The following EMSY variants were observed in gnomAD, a reference collection of about 807,000 sequenced individuals.
EMSY encodes the protein BRCA2-interacting transcriptional repressor EMSY.
A neutral mutation model predicts 134.6 loss-of-function variants in EMSY; 26 were observed. The observed-to-expected ratio is 0.19, with a 90% CI of 0.14 to 0.27. The LOEUF (loss-of-function observed/expected upper bound fraction) is 0.27, where lower values mean the gene tolerates loss of function less well. Ranked by LOEUF, EMSY falls within the 10% of genes least tolerant of loss-of-function variation. The pLI, the probability that EMSY is intolerant of heterozygous loss-of-function variation, is 1.00. For missense variants in EMSY, 1,305 were observed against 1,611.4 expected, an observed-to-expected ratio of 0.81 and a Z score of 3.26; for synonymous variants, 579 against 577.8, an observed-to-expected ratio of 1.00 and a Z score of -0.03.
At chr11:76,522,081 A>T (rs1252855115) in intron 11 of EMSY, among the ~76,000 whole-genome samples, 1 of 152,140 alleles carries the variant, frequency 6.6e-6, no homozygotes. Flanking sequence ...GACAAGGAAC[A>T]AATCAAAGAT....
rs1590827142 is a variant in EMSY at position 76,472,597 on chromosome 11, T to C, written c.865T>C (p.Phe289Leu). 1.9e-6 allele frequency: 3 copies of C among 1,614,032 alleles called. No individual in the cohort carries two copies. The East Asian group carries it at 6.7e-5, about 36-fold the overall frequency. ...AGTCACCACATCACCAAGCTCAACC[T>C]TCGTGCCCAACATTCTCTCCAAATC... Residue 289 changes from phenylalanine (F) to leucine (L), a missense_variant, in exon 8 of 21, where the codon TTC (phenylalanine) becomes CTC (leucine). Physicochemically the swap from Phe to Leu is conservative, Grantham distance 22. Transcript: ENST00000334736.
At chr11:76,481,388 G>A (rs747565211) in intron 8 of EMSY, among the ~76,000 whole-genome samples, 3 of 152,104 alleles carry the variant, frequency 2.0e-5, no homozygotes, top group African/African-American at 4.8e-5. Context: ...GAACACCAGC[G>A]AGACAGAACC....
chr11:76,542,753 G>GTTTTTTGTTTT (rs749234059), intron 18 of EMSY, among the ~76,000 whole-genome samples: 5 of 109,260 alleles, frequency 4.6e-5, no homozygotes, highest in Admixed American at 8.8e-5. Flanking sequence ...TTCGTTTTTT[G>GTTTTTTGTTTT]TTTTTTTTTT....
chr11:76,487,725 T>C (rs1350957744), intron 8 of EMSY, among the ~76,000 whole-genome samples: 2 of 152,260 alleles, frequency 1.3e-5, no homozygotes, highest in African/African-American at 4.8e-5. Context: ...TCAGGCTGTG[T>C]ATAAGGTTTA....
chr11:76,540,692 T>C (rs1403704476), intron 17 of EMSY, among the ~76,000 whole-genome samples: 1 of 152,204 alleles, frequency 6.6e-6, no homozygotes, highest in Non-Finnish European at 1.5e-5. Flanking sequence ...TTGATTTCCA[T>C]AGTGATCATC....
At chr11:76,528,585 C>CTT (rs1202039448) in intron 14 of EMSY, 119 bp downstream of exon 15, 8,347 of 416,870 alleles carry the variant, frequency 0.02, 49 homozygotes, top group East Asian at 0.056. Flanking sequence ...AATTCTTTTC[C>CTT]TTTTTTTTTT....
In EMSY at chr11:76,526,358, C is replaced by A. The variant is rs111966408; in HGVS notation, c.1822-104C>A. On this transcript the variant is annotated intron_variant, in intron 12 of 20. Transcript: ENST00000334736. ...TTATACTTTGTTACATAATCTACAG[C>A]CCTTTTTTCATCATCCTGGTAAAAC... 3.7e-4 allele frequency: 274 copies of A among 738,264 alleles called. 1 individual carries two copies. The African/African-American group carries it at 4.1e-3, about 11-fold the overall frequency. The allele number at this position is 738,264 out of a possible 1,614,324, so 45.7% of individuals were successfully genotyped here. A position where few individuals can be genotyped will look rare whatever the true frequency, so the allele number is the denominator to read the frequency against.
intron 17 of EMSY, 54 bp downstream of exon 18, chr11:76,539,694 T>C: frequency 6.4e-7 from 1 of 1,553,816 alleles, no homozygotes; most frequent in Admixed American, 1.7e-5. Context: ...ATGATTGTTT[T>C]GGGGGGAACC....
At chr11:76,461,252 C>T (rs564374149) in intron 6 of EMSY, among the ~76,000 whole-genome samples, 174 of 152,214 alleles carry the variant, frequency 1.1e-3, no homozygotes, top group African/African-American at 3.8e-3. Context: ...TCATTTTTCT[C>T]AATATGGTTA....
intron 9 of EMSY, among the ~76,000 whole-genome samples, chr11:76,509,894 T>TCAAAAATAAA (rs2136063834): frequency 6.6e-6 from 1 of 152,310 alleles, no homozygotes; most frequent in Non-Finnish European, 1.5e-5. Context: ...CTTTCTCTAT[T>TCAAAAATAAA]CAAAAAAATA....
chr11:76,536,893 GT>G (rs1325306329), intron 15 of EMSY, among the ~76,000 whole-genome samples: 1 of 151,900 alleles, frequency 6.6e-6, no homozygotes, highest in Non-Finnish European at 1.5e-5. Context: ...TGTTGTTGTT[GT>G]TTTACTTATT....
At chr11:76,452,336 G>A (rs1428905451) in intron 3 of EMSY, among the ~76,000 whole-genome samples, 1 of 152,168 alleles carries the variant, frequency 6.6e-6, no homozygotes, top group African/African-American at 2.4e-5. Flanking sequence ...GTGATGTGAG[G>A]AAGATGCCTT....
At chr11:76,549,028 A>G (rs1405444520) in intron 20 of EMSY, among the ~76,000 whole-genome samples, 3 of 152,212 alleles carry the variant, frequency 2.0e-5, no homozygotes, top group South Asian at 2.1e-4. Context: ...GTAAGAAACA[A>G]TTTAACAGAT....
intron 12 of EMSY, among the ~76,000 whole-genome samples, chr11:76,524,724 G>A (rs1283081866): frequency 2.6e-5 from 4 of 152,132 alleles, no homozygotes; most frequent in African/African-American, 9.7e-5. Flanking sequence ...GCAAATCAAC[G>A]TATAAGACCG....
At chr11:76,446,681 G>T (rs1365317102) in intron 1 of EMSY, among the ~76,000 whole-genome samples, 2 of 152,202 alleles carry the variant, frequency 1.3e-5, no homozygotes, top group Non-Finnish European at 2.9e-5. Flanking sequence ...AAACCTAGAG[G>T]TGTCTGGCTC....
chr11:76,550,143 C>G, exon 21 of EMSY: 1 of 1,609,470 alleles, frequency 6.2e-7, no homozygotes, highest in Non-Finnish European at 8.5e-7. Flanking sequence ...CTGAACGGTC[C>G]TAGTGTTTGG....
At chr11:76,471,447 A>G (rs1157530489) in intron 7 of EMSY, among the ~76,000 whole-genome samples, 1 of 152,098 alleles carries the variant, frequency 6.6e-6, no homozygotes, top group Non-Finnish European at 1.5e-5. Context: ...GTTTATTCAT[A>G]TTTCCTTGGT....
intron 8 of EMSY, among the ~76,000 whole-genome samples, chr11:76,490,295 AG>A (rs1949367174): frequency 6.6e-6 from 1 of 152,054 alleles, no homozygotes; most frequent in Non-Finnish European, 1.5e-5. Context: ...ATTCTTGACC[AG>A]ATAATTTTTT....
At chr11:76,536,011 T>G (rs1008642958) in exon 15 of EMSY, 4 of 1,595,654 alleles carry the variant, frequency 2.5e-6, no homozygotes, top group Non-Finnish European at 3.4e-6. Context: ...TGAATCACAA[T>G]CAGCTACTTC....
Sources: allele counts gnomAD v4.1 joint callset (sites outside exome capture counted in the v4.1 genomes callset), GRCh38; gene constraint gnomAD v4.1.1; transcripts MANE v1.5; gene names NCBI Gene and HGNC (gene_info 2026-07-23, HGNC 2026-07-21).